DOCK1: variants seen among roughly 807,000 people sequenced by gnomAD.
DOCK1 encodes the protein dedicator of cytokinesis protein 1.
Under a neutral mutation model 262.7 loss-of-function variants are expected in DOCK1, and 138 were observed. The ratio of observed to expected loss-of-function variants is 0.53; its 90% CI spans 0.46 to 0.61. The LOEUF is 0.61. DOCK1 is among the 20% of genes least tolerant of loss of function. DOCK1 has a pLI of 0.00. For missense variants in DOCK1, 1,908 were observed against 2,370.7 expected, an observed-to-expected ratio of 0.80 and a Z score of 4.05; for synonymous variants, 866 against 867.4, an observed-to-expected ratio of 1.00 and a Z score of 0.03.
chr10:126,923,788 A>G (rs1201966839), intron 1 of DOCK1, among the ~76,000 whole-genome samples: 1 of 152,192 alleles, frequency 6.6e-6, no homozygotes, highest in African/African-American at 2.4e-5. Flanking sequence ...GGATTAGGAT[A>G]TGGAGCCTTT....
At position 127,107,443 on chromosome 10, in the gene DOCK1, G is replaced by A. The variant is rs533658708; in HGVS notation, c.2516+1142G>A. ...GATGTTCCCTAGGATTTAGTGTCCT[G>A]CAGGGAAACATTTATTTTCTGCTCC... On this transcript the variant is annotated intron_variant, in intron 24 of 51. Transcript: ENST00000623213. 2.6e-5 allele frequency among the ~76,000 whole-genome samples: 4 copies of A among 152,306 alleles called. No individual in the cohort carries two copies. The South Asian group carries it at 8.3e-4, about 32-fold the overall frequency.
intron 23 of DOCK1, among the ~76,000 whole-genome samples, chr10:127,070,127 T>G (rs1196455973): frequency 6.6e-6 from 1 of 152,118 alleles, no homozygotes; most frequent in Non-Finnish European, 1.5e-5. Context: ...TCTCTTCTTA[T>G]GAGGTTGTTA....
intron 31 of DOCK1, 125 bp downstream of exon 31, chr10:127,343,871 G>C (rs769568422): frequency 1.3e-6 from 1 of 783,834 alleles, no homozygotes; most frequent in Non-Finnish European, 2.0e-6. Context: ...TGAAAGGGTG[G>C]TTTTAAATCA....
At chr10:127,024,003 T>G (rs547096995) in intron 14 of DOCK1, among the ~76,000 whole-genome samples, 2 of 152,322 alleles carry the variant, frequency 1.3e-5, no homozygotes, top group African/African-American at 4.8e-5. Context: ...GAAGATCTGC[T>G]TCCGTGGCCA....
At chr10:126,981,833 C>G in intron 3 of DOCK1, 85 bp from the exon 4 acceptor site, 1 of 1,410,950 alleles carries the variant, frequency 7.1e-7, no homozygotes, top group Non-Finnish European at 9.7e-7. Flanking sequence ...CACCCCTCAC[C>G]CCACCTTTTT....
intron 27 of DOCK1, among the ~76,000 whole-genome samples, chr10:127,150,378 A>ACCTGT (rs57212715): frequency 0.72 from 108,578 of 151,710 alleles, 43,546 homozygotes; most frequent in South Asian, 0.89. Context: ...GAGGGAAGTG[A>ACCTGT]CCCTGTGTAT....
intron 23 of DOCK1, among the ~76,000 whole-genome samples, chr10:127,093,242 C>CTTTTTTTTTTTTTTTTTTTT (rs200302331): frequency 2.5e-5 from 2 of 79,342 alleles, no homozygotes; most frequent in African/African-American, 6.7e-5. Flanking sequence ...TTTCTTTCTT[C>CTTTTTTTTTTTTTTTTTTTT]TTTTTTTTTT....
intron 24 of DOCK1, among the ~76,000 whole-genome samples, chr10:127,107,992 TGTG>T (rs2048639245): frequency 6.6e-6 from 1 of 152,348 alleles, no homozygotes; most frequent in East Asian, 1.9e-4. Flanking sequence ...GCTCACAGTT[TGTG>T]GTTGAGCCGT....
intron 40 of DOCK1, 41 bp downstream of exon 40, chr10:127,404,470 C>T: frequency 6.3e-7 from 1 of 1,578,628 alleles, no homozygotes; most frequent in Non-Finnish European, 8.7e-7. Context: ...TGATTGTTCC[C>T]CCAGCAGAAA....
At chr10:126,952,383 G>A (rs1294470440) in intron 1 of DOCK1, among the ~76,000 whole-genome samples, 1 of 151,218 alleles carries the variant, frequency 6.6e-6, no homozygotes, top group Non-Finnish European at 1.5e-5. Flanking sequence ...ATTGTTGGTA[G>A]TGTTGGTGAT....
chr10:127,304,513 A>G (rs2766034), intron 29 of DOCK1, among the ~76,000 whole-genome samples: 1 of 152,042 alleles, frequency 6.6e-6, no homozygotes, highest in Non-Finnish European at 1.5e-5. Flanking sequence ...CCACAGAGAC[A>G]ATAAGTTAGC....
At chr10:127,318,985 C>T (rs2062404284) in intron 29 of DOCK1, among the ~76,000 whole-genome samples, 1 of 152,216 alleles carries the variant, frequency 6.6e-6, no homozygotes. Flanking sequence ...TGAAGCCAGC[C>T]TTGCCAAAGG....
intron 23 of DOCK1, among the ~76,000 whole-genome samples, chr10:127,071,537 A>G (rs2046234855): frequency 6.6e-6 from 1 of 152,220 alleles, no homozygotes. Flanking sequence ...ATTCTAGTGC[A>G]TGCCCATCAA....
chr10:127,091,662 A>G (rs2047542602), intron 23 of DOCK1, among the ~76,000 whole-genome samples: 1 of 152,218 alleles, frequency 6.6e-6, no homozygotes, highest in African/African-American at 2.4e-5. Flanking sequence ...CCGTCTTGAG[A>G]TTTCAGAAAT....
At chr10:126,975,290 A>G (rs1204155557) in intron 2 of DOCK1, among the ~76,000 whole-genome samples, 2 of 152,032 alleles carry the variant, frequency 1.3e-5, no homozygotes, top group Non-Finnish European at 2.9e-5. Flanking sequence ...ACCCAAGATC[A>G]AGCTGCCCTG....
intron 11 of DOCK1, among the ~76,000 whole-genome samples, chr10:127,011,516 G>A (rs940928822): frequency 7.9e-5 from 12 of 152,146 alleles, no homozygotes; most frequent in African/African-American, 2.7e-4. Context: ...AGTGCACTTC[G>A]CTGTGCTACA....
intron 27 of DOCK1, among the ~76,000 whole-genome samples, chr10:127,150,985 C>T (rs902442363): frequency 8.5e-5 from 13 of 152,170 alleles, no homozygotes; most frequent in Non-Finnish European, 1.9e-4. Context: ...GATTTCAATT[C>T]ATGCGATTCA....
chr10:127,335,983 TG>T (rs1329750568), intron 29 of DOCK1, among the ~76,000 whole-genome samples: 1 of 152,078 alleles, frequency 6.6e-6, no homozygotes, highest in Non-Finnish European at 1.5e-5. Context: ...CCCAAAGTGC[TG>T]GGATTACAGG....
intron 27 of DOCK1, among the ~76,000 whole-genome samples, chr10:127,169,162 A>G (rs1201282843): frequency 4.6e-5 from 7 of 152,176 alleles, no homozygotes. Flanking sequence ...GCTGTCATAT[A>G]CATTATACAT....
Sources: allele counts gnomAD v4.1 joint callset (sites outside exome capture counted in the v4.1 genomes callset), GRCh38; gene constraint gnomAD v4.1.1; transcripts MANE v1.5; gene names NCBI Gene and HGNC (gene_info 2026-07-23, HGNC 2026-07-21).